Variants in RNF20 observed in about 807,000 individuals in gnomAD.
The protein encoded by RNF20 is E3 ubiquitin-protein ligase BRE1A.
In RNF20, 84 loss-of-function variants were observed where a neutral mutation model predicts 126.2. The ratio of observed to expected loss-of-function variants is 0.67; its 90% CI spans 0.56 to 0.80. RNF20 has a LOEUF of 0.80. Ranked by LOEUF, RNF20 falls within the 30% of genes least tolerant of loss-of-function variation. The pLI is 0.00. For synonymous variants in RNF20, 400 were observed against 414.3 expected (o/e 0.97, Z 0.42); for missense variants, 869 against 1,188.2 (o/e 0.73, Z 3.95).
chr9:101,551,615 C>CAATTATTGATATATATTTTT, intron 10 of RNF20, 69 bp from the exon 11 acceptor site: 2 of 690,528 alleles, frequency 2.9e-6, no homozygotes, highest in Non-Finnish European at 4.0e-6. Context: ...TCAGAGTAAT[C>CAATTATTGATATATATTTTT]CATAGAATAT....
chr9:101,552,755 T>A lies in RNF20; in HGVS notation c.1901+2T>A. 6.2e-7 allele frequency: 1 copy of A among 1,601,000 alleles called. No homozygotes were observed. Among genetic ancestry groups the A allele is most frequent in the Non-Finnish European group, 8.5e-7 (1 of 1,173,810 alleles). ...CAAACAATTGAAGATTGAACTCAAG[T>A]AAGAACCACATTTAGAGTAACAGTT... On this transcript the variant is annotated splice_donor_variant, in intron 13 of 19. Transcript: ENST00000389120. LOFTEE classifies it high-confidence loss of function.
At position 101,562,682 on chromosome 9, in the gene RNF20, T is replaced by G; in HGVS notation, c.*260T>G. 2.9e-6 allele frequency: 1 copy of G among 345,198 alleles called. No individual in the cohort carries two copies. The highest frequency in any genetic ancestry group is 5.2e-6 in the Non-Finnish European group (1 of 190,850). The allele number at this position is 345,198 out of a possible 1,614,324, so 21.4% of individuals were successfully genotyped here. A position where few individuals can be genotyped will look rare whatever the true frequency, so the allele number is the denominator to read the frequency against. On this transcript the variant is annotated 3_prime_UTR_variant, in exon 20 of 20. Coordinates refer to ENST00000389120, the MANE Select transcript of RNF20 (RefSeq NM_019592.7). ...GTCTTCCCTCCCAGCTTTGTTTATT[T>G]TGTGCTTTTAGACTTTTCAGTGTTT...
At chr9:101,544,706 T>TA (rs145182555) in intron 5 of RNF20, 61 bp from the exon 6 acceptor site, 133,457 of 991,876 alleles carry the variant, frequency 0.13, 593 homozygotes, top group Middle Eastern at 0.17. Context: ...GACTCCGTCT[T>TA]AAAAAAAAAA....
intron 7 of RNF20, 64 bp from the exon 8 acceptor site, chr9:101,547,073 G>T: frequency 6.2e-7 from 1 of 1,602,330 alleles, no homozygotes; most frequent in Non-Finnish European, 8.6e-7. Flanking sequence ...TCCTTTGAAG[G>T]TACATTGGTT....
chr9:101,554,724 C>T lies in RNF20; in HGVS notation c.2050C>T (p.Leu684=). Residue 684 remains leucine, a synonymous_variant, in exon 15 of 20, where the codon CTG becomes TTG. Transcript: ENST00000389120. Reference sequence around the variant, plus strand: ...AGATCTAAGGCAAAGACTCAAGGATCTGGAAGATAAAGAGAAGAAAGAGAA... The same window carrying T: ...AGATCTAAGGCAAAGACTCAAGGATTTGGAAGATAAAGAGAAGAAAGAGAA... The part of the protein sequence containing the change: ...LEDLRQRLKD[L]EDKEKKENKK... The T allele has an allele frequency of 1.2e-6, 2 of 1,609,966 alleles. No homozygotes were observed. The highest frequency in any genetic ancestry group is 1.7e-6 in the Non-Finnish European group (2 of 1,177,440).
chr9:101,555,006 T>G (rs1475054690), intron 15 of RNF20, among the ~76,000 whole-genome samples, 163 bp downstream of exon 15: 1 of 152,108 alleles, frequency 6.6e-6, no homozygotes, highest in East Asian at 1.9e-4. Flanking sequence ...AAGTCTTTTA[T>G]CTTTCTGTTA....
intron 16 of RNF20, among the ~76,000 whole-genome samples, chr9:101,559,784 G>T (rs1827597337): frequency 6.6e-6 from 1 of 152,144 alleles, no homozygotes; most frequent in South Asian, 2.1e-4. Context: ...TCATTTACCA[G>T]TTCTAGCACC....
intron 13 of RNF20, 143 bp from the exon 14 acceptor site, chr9:101,553,843 CTG>C: frequency 2.0e-6 from 1 of 489,694 alleles, no homozygotes; most frequent in Non-Finnish European, 3.7e-6. Context: ...TTTTGATAGT[CTG>C]TGCAAAATTT....
intron 15 of RNF20, among the ~76,000 whole-genome samples, chr9:101,557,058 G>T (rs1437572831): frequency 6.6e-6 from 1 of 152,204 alleles, no homozygotes; most frequent in Non-Finnish European, 1.5e-5. Flanking sequence ...TTGTGGAAAA[G>T]CATGAGAAAA....
chr9:101,555,803 AAC>A (rs1038823865), intron 15 of RNF20, among the ~76,000 whole-genome samples: 3 of 151,518 alleles, frequency 2.0e-5, no homozygotes, highest in African/African-American at 4.9e-5. Context: ...AAAAAAAAAA[AAC>A]AAAATTAGCT....
chr9:101,536,851 G>A (rs921161223), intron 2 of RNF20, among the ~76,000 whole-genome samples: 1 of 152,204 alleles, frequency 6.6e-6, no homozygotes, highest in Non-Finnish European at 1.5e-5. Context: ...TCTGACTTGT[G>A]TTTGGAGACT....
chr9:101,540,808 C>T lies in RNF20; in HGVS notation c.461C>T (p.Pro154Leu). ...DDRERGEGQE[P>L]AFSFLATLAS... ...GTGTCCTCAGGGGAAGGGCAAGAGC[C>T]AGCTTTCTCTTTCCTTGCTACTTTG... Residue 154 changes from proline (P) to leucine (L), a missense_variant, in exon 5 of 20, where the codon CCA (proline) becomes CTA (leucine). This residue lies in a region of RNF20 where 157 missense variants were observed against 236.0 expected (regional missense o/e 0.67). Transcript: ENST00000389120. 6.2e-7 allele frequency: 1 copy of T among 1,613,694 alleles called. No individual in the cohort carries two copies. Among genetic ancestry groups the T allele is most frequent in the Non-Finnish European group, 8.5e-7 (1 of 1,179,982 alleles).
At position 101,563,239 on chromosome 9, in the gene RNF20, C is replaced by CT. The variant is rs1827653113; in HGVS notation, c.*822dup. 1 of 152,552 alleles carries CT rather than the reference C, an allele frequency of 6.6e-6. No homozygotes were observed. Among genetic ancestry groups the CT allele is most frequent in the Non-Finnish European group, 1.5e-5 (1 of 68,016 alleles). 9.4% of individuals were successfully genotyped at this position (152,552 alleles called of 1,614,324 possible). A position where few individuals can be genotyped will look rare whatever the true frequency, so the allele number is the denominator to read the frequency against. ...TGAGCTATGAATTACTCTCAGTCTC[C>CT]TTTTTACAGGGTTGTTGTGATCCCT... On this transcript the variant is annotated 3_prime_UTR_variant, in exon 20 of 20. Transcript: ENST00000389120.
At position 101,547,224 on chromosome 9, in the gene RNF20, G is replaced by T. The variant is rs1209258055; in HGVS notation, c.972+10G>T. ...TATCAATGCTCGGAAGGTAAAATCA[G>T]TGACTCAGGACATGTTTTGGACTGT... On this transcript the variant is annotated intron_variant, in intron 8 of 19. Coordinates refer to ENST00000389120, the MANE Select transcript of RNF20 (RefSeq NM_019592.7). The T allele has an allele frequency of 2.5e-6, 4 of 1,613,878 alleles. No individual in the cohort carries two copies. The South Asian group carries it at 4.4e-5, about 18-fold the overall frequency.
chr9:101,552,691 C>G lies in RNF20; in HGVS notation c.1839C>G (p.Gly613=). Residue 613 remains glycine (G), a synonymous_variant, in exon 13 of 20, where the codon GGC becomes GGG. Transcript: ENST00000389120. ...ERDSAKDKEK[G]KHDDGRKKEA... ...ATTCTGCTAAGGATAAAGAGAAAGG[C>G]AAACATGATGATGGACGGAAAAAGG... 1 of 1,567,796 alleles carries G rather than the reference C, an allele frequency of 6.4e-7. No homozygotes were observed. The highest frequency in any genetic ancestry group is 8.8e-7 in the Non-Finnish European group (1 of 1,138,398).
At chr9:101,545,800 C>T (rs889404162) in intron 6 of RNF20, among the ~76,000 whole-genome samples, 4 of 152,174 alleles carry the variant, frequency 2.6e-5, no homozygotes, top group Admixed American at 1.3e-4. Context: ...GAGAGGTCTT[C>T]CTTTTCTAGC....
rs1564107221 is a variant in RNF20 at position 101,540,864 on chromosome 9, C to T, written c.517C>T (p.Gln173Ter). Residue 173 changes from glutamine to a stop codon, truncating the protein, a stop_gained, in exon 5 of 20, where the codon CAG (glutamine) becomes TAG (stop). Transcript: ENST00000389120. LOFTEE classifies it high-confidence loss of function. ...CAGTTCCAGTGAAGAGATGGAGTCT[C>T]AGCTGCAGGAACGTGTGGAGTCTTC... ...ASSSSEEMES[Q>*]LQERVESSRR... 1.9e-6 allele frequency: 3 copies of T among 1,614,014 alleles called. No individual in the cohort carries two copies. Among genetic ancestry groups the T allele is most frequent in the Non-Finnish European group, 2.5e-6 (3 of 1,179,988 alleles).
At chr9:101,550,861 A>G in intron 10 of RNF20, 76 bp downstream of exon 10, 1 of 1,249,506 alleles carries the variant, frequency 8.0e-7, no homozygotes, top group Non-Finnish European at 1.2e-6. Context: ...CCTCATGTGC[A>G]ATTAATCTCT....
intron 16 of RNF20, among the ~76,000 whole-genome samples, chr9:101,558,048 CAT>C (rs1297039957): frequency 6.9e-6 from 1 of 145,962 alleles, no homozygotes; most frequent in African/African-American, 2.5e-5. Context: ...TTTTGGGGAA[CAT>C]GTGGTGTTTG....
Sources: allele counts gnomAD v4.1 joint callset (sites outside exome capture counted in the v4.1 genomes callset), GRCh38; gene constraint gnomAD v4.1.1; regional missense constraint gnomAD v4.1.1; transcripts MANE v1.5; gene names NCBI Gene and HGNC (gene_info 2026-07-23, HGNC 2026-07-21).